MCF2L: variants seen among roughly 807,000 people sequenced by gnomAD.
MCF2L encodes the protein MCF.2 cell line derived transforming sequence like.
A neutral mutation model predicts 153.4 loss-of-function variants in MCF2L; 97 were observed. That is an observed-to-expected ratio of 0.63 (90% CI 0.54 to 0.75). MCF2L has a LOEUF of 0.75. Ranked by LOEUF, MCF2L falls within the 30% of genes least tolerant of loss-of-function variation. MCF2L has a pLI of 0.00. For synonymous variants in MCF2L, 659 were observed against 632.2 expected, an observed-to-expected ratio of 1.04 and a Z score of -0.64; for missense variants, 1,347 against 1,495.2, an observed-to-expected ratio of 0.90 and a Z score of 1.64.
chr13:113,045,511 C>A lies in MCF2L; in HGVS notation c.369+150C>A. On this transcript the variant is annotated intron_variant, in intron 4 of 29. Coordinates refer to ENST00000535094, the MANE Select transcript of MCF2L (RefSeq NM_001112732.3). This position sits in a 1 kb window ranked among gnomAD's most constrained non-coding sequence, Gnocchi z 4.2. ...GGCGGGTGGAGGCCGGCGCCAAGGCCCCCCCTGCTTGGGCTCCCAAGGCAC... is the reference window on the plus strand; with the variant it reads ...GGCGGGTGGAGGCCGGCGCCAAGGCACCCCCTGCTTGGGCTCCCAAGGCAC... 5 of 686,240 alleles carry A rather than the reference C, an allele frequency of 7.3e-6. No individual in the cohort carries two copies. The highest frequency in any genetic ancestry group is 1.8e-5 in the South Asian group (1 of 56,592). The allele number at this position is 686,240 out of a possible 1,614,324, so 42.5% of individuals were successfully genotyped here. A position where few individuals can be genotyped will look rare whatever the true frequency, so the allele number is the denominator to read the frequency against.
intron 2 of MCF2L, among the ~76,000 whole-genome samples, chr13:112,914,427 ACTG>A (rs1257223046): frequency 6.6e-6 from 1 of 152,236 alleles, no homozygotes; most frequent in Admixed American, 6.5e-5. Context: ...GATGGGCACT[ACTG>A]TAGTGGTGCA....
chr13:113,029,221 T>A (rs1350442344), intron 3 of MCF2L, among the ~76,000 whole-genome samples: 2 of 152,278 alleles, frequency 1.3e-5, no homozygotes, highest in African/African-American at 4.8e-5. Flanking sequence ...CCCCTGGCTG[T>A]CCCGGCATCC....
intron 27 of MCF2L, 61 bp downstream of exon 27, chr13:113,094,696 C>A (rs1201818066): frequency 3.9e-6 from 6 of 1,557,538 alleles, no homozygotes; most frequent in Admixed American, 1.9e-5. Flanking sequence ...ATTAGGGGTG[C>A]TTCTGGCAGG....
chr13:112,991,447 T>C (rs2082896632), intron 1 of MCF2L, among the ~76,000 whole-genome samples: 1 of 152,276 alleles, frequency 6.6e-6, no homozygotes, highest in Admixed American at 6.5e-5. Context: ...GGGGGGTGTC[T>C]CTCAGGATAC....
chr13:112,979,625 A>C, intron 1 of MCF2L: 1 of 1,611,444 alleles, frequency 6.2e-7, no homozygotes, highest in South Asian at 1.1e-5. Flanking sequence ...GAAGAACCAG[A>C]GCTGCCTCCG....
chr13:113,060,715 A>G lies in MCF2L; in HGVS notation c.489+3A>G. The G allele has an allele frequency of 6.2e-7, 1 of 1,612,590 alleles. No homozygotes were observed. The highest frequency in any genetic ancestry group is 8.5e-7 in the Non-Finnish European group (1 of 1,179,810). On this transcript the variant is annotated splice_donor_region_variant and intron_variant, in intron 5 of 29. Coordinates refer to ENST00000535094, the MANE Select transcript of MCF2L (RefSeq NM_001112732.3). Reference sequence around the variant, plus strand: ...ATGACTTTAAGATGAAGGTGCCGGTAAGTGCGCCCCGCCTCCATCCTGCGG... The same window carrying G: ...ATGACTTTAAGATGAAGGTGCCGGTGAGTGCGCCCCGCCTCCATCCTGCGG...
chr13:112,910,115 T>C (rs906316696), intron 2 of MCF2L: 3 of 152,264 alleles, frequency 2.0e-5, no homozygotes, highest in African/African-American at 2.4e-5. Flanking sequence ...AGAAAGTGAA[T>C]ATAAAGCTTG....
rs139497556 is a variant in MCF2L at position 113,088,599 on chromosome 13, C to G, written c.2805C>G (p.Ser935Arg). 2 of 1,609,060 alleles carry G rather than the reference C, an allele frequency of 1.2e-6. No homozygotes were observed. Among genetic ancestry groups the G allele is most frequent in the African/African-American group, 2.7e-5 (2 of 74,940 alleles). ...ACCGGGCGCTGGAGCAGTCACAGAG[C>G]CTGCCCCTGCCGGCCCCGACCAGCA... Reference protein sequence around the residue: ...SQHRALEQSQSLPLPAPTSTS... With the variant: ...SQHRALEQSQRLPLPAPTSTS... Residue 935 changes from serine to arginine, a missense_variant, in exon 25 of 30, where the codon AGC (serine) becomes AGG (arginine). This residue lies in a region of MCF2L where 383 missense variants were observed against 335.4 expected (regional missense o/e 1.14). Transcript: ENST00000535094.
chr13:112,977,834 A>C (rs1324473472), intron 1 of MCF2L, among the ~76,000 whole-genome samples: 1 of 152,194 alleles, frequency 6.6e-6, no homozygotes, highest in East Asian at 1.9e-4. Context: ...CTGGTTATTC[A>C]AAGAGGCCCT....
In MCF2L at chr13:113,085,002, C is replaced by A. The variant is rs200840904; in HGVS notation, c.2154+18C>A. The A allele has an allele frequency of 5.0e-6, 8 of 1,613,308 alleles. No homozygotes were observed. In the Middle Eastern group the frequency reaches 5.0e-4, roughly 100 times the overall value. Reference sequence around the variant, plus strand: ...TTTTCCAGGTTTGTCCCCGGACCTTCCTTTAGAACGTTACTCCCTTTCCTA... The same window carrying A: ...TTTTCCAGGTTTGTCCCCGGACCTTACTTTAGAACGTTACTCCCTTTCCTA... On this transcript the variant is annotated intron_variant, in intron 19 of 29. Transcript: ENST00000535094.
At position 113,054,085 on chromosome 13, in the gene MCF2L, G is replaced by A. The variant is rs1261982770; in HGVS notation, c.370-6508G>A. ...GGCTTGAGCTGCGGGGTGAGTGTGG[G>A]AGAGACGGCGAGCTCCCTCCCATCA... On this transcript the variant is annotated intron_variant, in intron 4 of 29. Transcript: ENST00000535094. The surrounding 1 kb of genome is among the most constrained non-coding windows in gnomAD (Gnocchi z 5.2). Among the ~76,000 whole-genome samples, 1 of 152,116 alleles carries A rather than the reference G, an allele frequency of 6.6e-6. No homozygotes were observed. Among genetic ancestry groups the A allele is most frequent in the East Asian group, 1.9e-4 (1 of 5,188 alleles).
At position 112,963,011 on chromosome 13, in the gene MCF2L, C is replaced by T. The variant is rs991116479; in HGVS notation, c.170-51752C>T. On this transcript the variant is annotated intron_variant, in intron 2 of 29. Coordinates refer to the MCF2L transcript ENST00000375608. ...AAAAGGTGTTTGAAGGGGTGGGTCC[C>T]GTGGGTGAGAACCTGTCTGGGCCTG... Among the ~76,000 whole-genome samples the T allele has an allele frequency of 3.9e-5, 6 of 152,224 alleles. No homozygotes were observed. In the South Asian group the frequency reaches 6.2e-4, roughly 16 times the overall value.
chr13:113,062,956 C>A (rs1226647246), intron 5 of MCF2L, among the ~76,000 whole-genome samples: 1 of 152,230 alleles, frequency 6.6e-6, no homozygotes, highest in Non-Finnish European at 1.5e-5. Context: ...GTGTTGATTT[C>A]AACTGGTGTC....
chr13:113,091,313 T>C, intron 26 of MCF2L: 1 of 838,266 alleles, frequency 1.2e-6, no homozygotes, highest in Non-Finnish European at 1.7e-6. Context: ...GTCTTTATGC[T>C]GCGGAGGCAG....
chr13:113,086,743 G>T (rs945629803), intron 21 of MCF2L, among the ~76,000 whole-genome samples: 4 of 149,240 alleles, frequency 2.7e-5, no homozygotes, highest in Non-Finnish European at 4.5e-5. Flanking sequence ...ATTCTCAGGT[G>T]TTTTTTTTTT....
intron 2 of MCF2L, among the ~76,000 whole-genome samples, chr13:113,020,771 T>C (rs555775583): frequency 2.0e-5 from 3 of 151,816 alleles, no homozygotes; most frequent in Admixed American, 6.6e-5. Context: ...TAACAGTGTA[T>C]ATGTGTAGCT....
chr13:112,931,400 G>A (rs932389649), intron 2 of MCF2L, among the ~76,000 whole-genome samples: 1 of 152,230 alleles, frequency 6.6e-6, no homozygotes, highest in Admixed American at 6.5e-5. Flanking sequence ...GAAACTGAGC[G>A]ATTAGGTGAG....
At chr13:113,076,766 C>A (rs1159222047) in intron 12 of MCF2L, among the ~76,000 whole-genome samples, 1 of 152,266 alleles carries the variant, frequency 6.6e-6, no homozygotes, top group African/African-American at 2.4e-5. Flanking sequence ...GCCCTTGAGA[C>A]CAGGCTCCTC....
intron 2 of MCF2L, among the ~76,000 whole-genome samples, chr13:112,954,526 T>G (rs1182406492): frequency 6.6e-6 from 1 of 152,196 alleles, no homozygotes; most frequent in Admixed American, 6.5e-5. Context: ...GTTCATAGGG[T>G]GAAACCAGAG....
Sources: allele counts gnomAD v4.1 joint callset (sites outside exome capture counted in the v4.1 genomes callset), GRCh38; gene constraint gnomAD v4.1.1; regional missense constraint gnomAD v4.1.1; non-coding constraint Gnocchi (gnomAD v3.1); transcripts MANE v1.5; gene names NCBI Gene and HGNC (gene_info 2026-07-23, HGNC 2026-07-21).